Variants in GLI2 observed in about 807,000 individuals in gnomAD.
GLI2 encodes GLI family zinc finger 2, also known as transcription activator GLI2.
A neutral mutation model predicts 78.9 loss-of-function variants in GLI2; 22 were observed. That is an observed-to-expected ratio of 0.28 (90% CI 0.20 to 0.40). The LOEUF (loss-of-function observed/expected upper bound fraction) is 0.40. Ranked by LOEUF, GLI2 falls within the 10% of genes least tolerant of loss-of-function variation. The pLI, the probability that GLI2 is intolerant of heterozygous loss-of-function variation, is 1.00. For missense variants in GLI2, 2,097 were observed against 2,213.2 expected, an observed-to-expected ratio of 0.95 and a Z score of 1.05; for synonymous variants, 974 against 963.7, an observed-to-expected ratio of 1.01 and a Z score of -0.20.
rs1683217014 is a variant in GLI2, at chr2:120,990,110, C to T, written c.4145C>T (p.Thr1382Ile). ...CAGCAGCTGGCCTACGCCAGGGCCA[C>T]AGGCCATGCCATGGCTGCCATGCCG... ...VQQQLAYARA[T>I]GHAMAAMPSS... The change falls in exon 14 of 14, where the codon ACA becomes ATA. Residue 1382 changes from threonine to isoleucine, a missense_variant. Coordinates refer to ENST00000361492, the MANE Select transcript of GLI2 (RefSeq NM_001374353.1). 5 of 1,601,614 alleles carry T rather than the reference C, an allele frequency of 3.1e-6. No individual in the cohort carries two copies. The highest frequency in any genetic ancestry group is 1.7e-5 in the Admixed American group (1 of 59,644).
At chr2:120,818,696 CG>C (rs1685622678) in intron 2 of GLI2, among the ~76,000 whole-genome samples, 1 of 152,234 alleles carries the variant, frequency 6.6e-6, no homozygotes, top group Non-Finnish European at 1.5e-5. Context: ...CCAGTGTCTC[CG>C]CCCAGGCCCT....
chr2:120,909,296 G>A (rs1055603437), intron 2 of GLI2, among the ~76,000 whole-genome samples: 2 of 151,914 alleles, frequency 1.3e-5, no homozygotes, highest in African/African-American at 2.4e-5. Flanking sequence ...CTCAAATGTG[G>A]CCCTACTGTC....
chr2:120,908,694 G>A (rs923268971), intron 2 of GLI2, among the ~76,000 whole-genome samples: 2 of 152,214 alleles, frequency 1.3e-5, no homozygotes, highest in Non-Finnish European at 2.9e-5. Context: ...CACATAGCAT[G>A]TGCTCTGAAG....
chr2:120,919,600 C>A (rs1239207330), intron 2 of GLI2, among the ~76,000 whole-genome samples: 2 of 152,228 alleles, frequency 1.3e-5, no homozygotes, highest in African/African-American at 4.8e-5. Flanking sequence ...TGCAACATGG[C>A]TGCTCCAAAG....
chr2:120,963,545 T>TTG (rs1681689862), intron 5 of GLI2, among the ~76,000 whole-genome samples: 1 of 141,594 alleles, frequency 7.1e-6, no homozygotes, highest in South Asian at 2.2e-4. Context: ...CCTGGGGTGT[T>TTG]TGTGTGTGTG....
At chr2:120,797,563 G>GTTT in intron 2 of GLI2, 95 bp downstream of exon 2, 2 of 1,241,046 alleles carry the variant, frequency 1.6e-6, no homozygotes, top group South Asian at 1.2e-5. Flanking sequence ...CGTCAGGGAG[G>GTTT]CATGCTGGGT....
intron 9 of GLI2, among the ~76,000 whole-genome samples, chr2:120,976,285 C>T (rs556379887): frequency 1.7e-3 from 259 of 152,286 alleles, no homozygotes; most frequent in Middle Eastern, 3.4e-3. Context: ...GCATTTAGGA[C>T]ACGCCGACTC....
intron 2 of GLI2, among the ~76,000 whole-genome samples, chr2:120,877,171 T>C (rs1688794784): frequency 6.6e-6 from 1 of 152,178 alleles, no homozygotes; most frequent in Non-Finnish European, 1.5e-5. Flanking sequence ...AGCCTGCCCC[T>C]GAGCACTGTC....
chr2:120,826,022 A>G (rs1686038503), intron 2 of GLI2, among the ~76,000 whole-genome samples: 1 of 151,714 alleles, frequency 6.6e-6, no homozygotes, highest in Non-Finnish European at 1.5e-5. Flanking sequence ...GCTGGGCACG[A>G]TGGGAGGCTG....
chr2:120,913,742 G>T (rs1470491), intron 2 of GLI2, among the ~76,000 whole-genome samples: 2 of 152,196 alleles, frequency 1.3e-5, no homozygotes, highest in African/African-American at 2.4e-5. Context: ...CCCAGTGCTC[G>T]TTTGCTTGTC....
chr2:120,942,886 A>G (rs1680523719), intron 3 of GLI2, among the ~76,000 whole-genome samples: 1 of 146,950 alleles, frequency 6.8e-6, no homozygotes, highest in Admixed American at 6.6e-5. Context: ...TCATTCATTC[A>G]TTCACTCATT....
chr2:120,833,107 A>C (rs1156829099), intron 2 of GLI2, among the ~76,000 whole-genome samples: 1 of 151,304 alleles, frequency 6.6e-6, no homozygotes, highest in Non-Finnish European at 1.5e-5. Flanking sequence ...GGCCTCCTTC[A>C]TTTTATTCTC....
chr2:120,955,366 G>A lies in GLI2; in HGVS notation c.579G>A (p.Leu193=). ...GCCACCCCGCGCCCTACGGGGACCT[G>A]CTGATGCAGAGCGGGGGCGCTGCCA... ...VAGHPAPYGD[L]LMQSGGAASA... Residue 193 remains leucine, a synonymous_variant, in exon 5 of 14, where the codon CTG becomes CTA. Transcript: ENST00000361492. 1 of 1,613,558 alleles carries A rather than the reference G, an allele frequency of 6.2e-7. No homozygotes were observed. Among genetic ancestry groups the A allele is most frequent in the Admixed American group, 1.7e-5 (1 of 60,008 alleles).
At chr2:120,790,393 C>T (rs1433960831) in intron 1 of GLI2, among the ~76,000 whole-genome samples, 10 of 152,168 alleles carry the variant, frequency 6.6e-5, no homozygotes, top group Non-Finnish European at 1.2e-4. Context: ...ACACCATGGC[C>T]CTGCCTCCCC....
At chr2:120,787,314 C>T (rs1027402692) in intron 1 of GLI2, among the ~76,000 whole-genome samples, 1 of 152,192 alleles carries the variant, frequency 6.6e-6, no homozygotes, top group Non-Finnish European at 1.5e-5. Context: ...GCGACTTGGA[C>T]CTTGTCCTGT....
intron 1 of GLI2, among the ~76,000 whole-genome samples, chr2:120,774,942 C>T (rs1402350915): frequency 6.6e-6 from 1 of 152,246 alleles, no homozygotes; most frequent in Non-Finnish European, 1.5e-5. Context: ...CCCGGGCTCC[C>T]ATGAGAGCCC....
intron 1 of GLI2, among the ~76,000 whole-genome samples, chr2:120,754,617 A>T (rs1198463844): frequency 6.6e-6 from 1 of 152,172 alleles, no homozygotes; most frequent in Non-Finnish European, 1.5e-5. Flanking sequence ...TTTATTGCTG[A>T]GTAGTAGTTC....
intron 1 of GLI2, among the ~76,000 whole-genome samples, chr2:120,748,114 G>T (rs1238108612): frequency 6.6e-6 from 1 of 152,184 alleles, no homozygotes; most frequent in African/African-American, 2.4e-5. Context: ...GCCTACTTTA[G>T]GAAAGGCATG....
intron 2 of GLI2, among the ~76,000 whole-genome samples, chr2:120,849,106 A>G (rs1290321446): frequency 6.6e-6 from 1 of 152,192 alleles, no homozygotes; most frequent in East Asian, 1.9e-4. Flanking sequence ...TCATGATTCT[A>G]CTTATATGAG....
Sources: gnomAD v4.1 joint callset for allele counts (sites outside exome capture counted in the v4.1 genomes callset) on GRCh38, gnomAD v4.1.1 for gene constraint, MANE v1.5 for transcripts, NCBI Gene and HGNC (gene_info 2026-07-23, HGNC 2026-07-21) for gene names.